The following RBMS2 variants were observed in gnomAD, a reference collection of about 807,000 sequenced individuals.
The protein encoded by RBMS2 is RNA-binding motif, single-stranded-interacting protein 2.
RBMS2 carries 38 observed loss-of-function variants against 58.4 expected under a neutral mutation model. The observed-to-expected ratio is 0.65, with a 90% confidence interval of 0.50 to 0.85. RBMS2 has a LOEUF of 0.85. RBMS2 is among the 40% of genes least tolerant of loss of function. The probability of loss-of-function intolerance (pLI) is 0.00; values close to 1 mark genes in which losing one functional copy is unlikely to be tolerated. For synonymous variants in RBMS2, 151 were observed against 180.7 expected (o/e 0.84, Z 1.32); for missense variants, 367 against 503.7 (o/e 0.73, Z 2.60).
chr12:56,552,590 GGC>G (rs1454485136), intron 1 of RBMS2, among the ~76,000 whole-genome samples: 1 of 152,180 alleles, frequency 6.6e-6, no homozygotes, highest in African/African-American at 2.4e-5. Flanking sequence ...CAGGTGCAGT[GGC>G]TGACACTTGT....
intron 2 of RBMS2, among the ~76,000 whole-genome samples, chr12:56,567,075 A>G (rs1881464488): frequency 6.6e-6 from 1 of 152,030 alleles, no homozygotes; most frequent in Non-Finnish European, 1.5e-5. Flanking sequence ...AATAATTTGC[A>G]TTTTTACTGG....
intron 1 of RBMS2, among the ~76,000 whole-genome samples, chr12:56,553,624 A>G (rs1878691276): frequency 6.6e-6 from 1 of 151,678 alleles, no homozygotes; most frequent in Admixed American, 6.6e-5. Flanking sequence ...CACTGCACCC[A>G]GCCTAATTTT....
Position 56,543,592 on chromosome 12 carries a change from A to T in RBMS2, c.67-18825A>T, listed in dbSNP as rs568317146. Among the ~76,000 whole-genome samples, 544 of 146,378 alleles carry T rather than the reference A, an allele frequency of 3.7e-3. 4 individuals are homozygous for T. The highest frequency in any genetic ancestry group is 0.012 in the African/African-American group (491 of 39,582). On this transcript the variant is annotated intron_variant, in intron 1 of 13. Coordinates refer to ENST00000262031, the MANE Select transcript of RBMS2 (RefSeq NM_002898.4). Reference sequence around the variant, plus strand: ...TGGTCTGGAACTCCTGACCTCAAGGATCCACCCGCCTCGGCCTCCCAAAGT... The same window carrying T: ...TGGTCTGGAACTCCTGACCTCAAGGTTCCACCCGCCTCGGCCTCCCAAAGT...
intron 1 of RBMS2, among the ~76,000 whole-genome samples, chr12:56,558,206 C>A (rs1592411220): frequency 6.9e-6 from 1 of 145,250 alleles, no homozygotes; most frequent in East Asian, 2.0e-4. Flanking sequence ...CACCACCACG[C>A]CCAGCTAATT....
intron 4 of RBMS2, among the ~76,000 whole-genome samples, chr12:56,571,423 C>T (rs1360526565): frequency 1.3e-5 from 2 of 152,154 alleles, no homozygotes; most frequent in African/African-American, 4.8e-5. Context: ...AGCGGGAATG[C>T]TGCTCTGCCT....
chr12:56,547,652 CTT>C (rs71081378), intron 1 of RBMS2, among the ~76,000 whole-genome samples: 13 of 137,948 alleles, frequency 9.4e-5, no homozygotes, highest in Non-Finnish European at 7.8e-5. Context: ...CTTTTCTTTT[CTT>C]TTTTTTTTTT....
intron 5 of RBMS2, 117 bp downstream of exon 5, chr12:56,571,972 A>C: frequency 9.0e-7 from 1 of 1,107,060 alleles, no homozygotes. Flanking sequence ...ACTATTATTC[A>C]AAAATACTTG....
At chr12:56,585,938 T>C (rs1165796684) in intron 9 of RBMS2, among the ~76,000 whole-genome samples, 1 of 152,204 alleles carries the variant, frequency 6.6e-6, no homozygotes, top group African/African-American at 2.4e-5. Context: ...ATCCCAGCAC[T>C]GTGGGAGGCT....
intron 9 of RBMS2, among the ~76,000 whole-genome samples, chr12:56,583,419 C>T (rs373138673): frequency 2.6e-5 from 4 of 152,012 alleles, no homozygotes; most frequent in Admixed American, 1.3e-4. Flanking sequence ...TTTGGGAGGC[C>T]GAGGCAGGTG....
intron 1 of RBMS2, among the ~76,000 whole-genome samples, chr12:56,543,911 G>T (rs995166892): frequency 2.0e-5 from 3 of 148,006 alleles, no homozygotes; most frequent in Admixed American, 6.8e-5. Flanking sequence ...TAAGTGATCC[G>T]CCCACCTCAG....
chr12:56,580,934 T>G (rs1430902150), intron 5 of RBMS2, among the ~76,000 whole-genome samples: 1 of 152,176 alleles, frequency 6.6e-6, no homozygotes, highest in Non-Finnish European at 1.5e-5. Flanking sequence ...AGGGCCCATG[T>G]TAATAGTCTG....
At chr12:56,562,970 A>T (rs1592431555) in intron 2 of RBMS2, among the ~76,000 whole-genome samples, 1 of 152,184 alleles carries the variant, frequency 6.6e-6, no homozygotes, top group East Asian at 1.9e-4. Context: ...AAAATACAAA[A>T]GAATTAGCCG....
chr12:56,588,431 TC>T (rs1884980171), intron 12 of RBMS2, 57 bp downstream of exon 12: 3 of 1,454,634 alleles, frequency 2.1e-6, no homozygotes, highest in East Asian at 2.3e-5. Context: ...GAGGCAGGTT[TC>T]CCCCTGATCA....
chr12:56,590,992 C>CT lies in RBMS2; in HGVS notation c.*1862dup, dbSNP rs1336161199. On this transcript the variant is annotated 3_prime_UTR_variant, in exon 14 of 14. Transcript: ENST00000262031. Reference sequence around the variant, plus strand: ...CCTTTAAAAAAGCCTATGTCTTGGTCTTTAACTGTCCCCTTCTGCAAGATG... The same window carrying CT: ...CCTTTAAAAAAGCCTATGTCTTGGTCTTTTAACTGTCCCCTTCTGCAAGATG... The CT allele has an allele frequency of 2.0e-5, 3 of 152,172 alleles. No homozygotes were observed. Among genetic ancestry groups the CT allele is most frequent in the Admixed American group, 2.0e-4 (3 of 15,258 alleles). The allele number at this position is 152,172 out of a possible 1,614,324, so 9.4% of individuals were successfully genotyped here.
At chr12:56,581,989 T>C in intron 8 of RBMS2, 70 bp from the exon 9 acceptor site, 1 of 1,567,646 alleles carries the variant, frequency 6.4e-7, no homozygotes, top group Non-Finnish European at 8.8e-7. Flanking sequence ...ACGTTGGCTG[T>C]GCCTATCAGT....
intron 4 of RBMS2, among the ~76,000 whole-genome samples, chr12:56,570,242 TC>T (rs1419642247): frequency 1.3e-5 from 2 of 152,158 alleles, no homozygotes; most frequent in African/African-American, 4.8e-5. Flanking sequence ...GGTGGCCTCT[TC>T]CGGTACTCCT....
intron 2 of RBMS2, among the ~76,000 whole-genome samples, chr12:56,564,915 A>C (rs1248909233): frequency 2.0e-5 from 3 of 152,146 alleles, no homozygotes; most frequent in Non-Finnish European, 2.9e-5. Flanking sequence ...CAGACGTTGC[A>C]GTGAGCCGAG....
rs192381404 is a variant in RBMS2, at chr12:56,523,877, C to T, written c.66+1788C>T. ...TATAGATAATACATTATATATTATA[C>T]GTATATATTTGAAAGGGAAATATTT... On this transcript the variant is annotated intron_variant, in intron 1 of 13. Coordinates refer to ENST00000262031, the MANE Select transcript of RBMS2 (RefSeq NM_002898.4). Among the ~76,000 whole-genome samples, 12 of 152,110 alleles carry T rather than the reference C, an allele frequency of 7.9e-5. No homozygotes were observed. In the East Asian group the frequency reaches 1.5e-3, roughly 20 times the overall value.
chr12:56,567,695 G>A (rs184144040), intron 2 of RBMS2, among the ~76,000 whole-genome samples: 30 of 151,944 alleles, frequency 2.0e-4, no homozygotes, highest in Admixed American at 7.9e-4. Flanking sequence ...AAAATTAGCC[G>A]GACATTGTGG....
Sources: allele counts gnomAD v4.1 joint callset (sites outside exome capture counted in the v4.1 genomes callset), GRCh38; gene constraint gnomAD v4.1.1; transcripts MANE v1.5; gene names NCBI Gene and HGNC (gene_info 2026-07-23, HGNC 2026-07-21).